The following RPGRIP1L variants were observed in gnomAD, a reference collection of about 807,000 sequenced individuals.
The protein encoded by RPGRIP1L is RPGRIP1 like.
RPGRIP1L carries 131 observed loss-of-function variants against 160.4 expected under a neutral mutation model. The observed-to-expected ratio is 0.82, with a 90% CI of 0.71 to 0.94. RPGRIP1L has a LOEUF of 0.94. Ranked by LOEUF, RPGRIP1L falls within the 40% of genes least tolerant of loss-of-function variation. RPGRIP1L has a pLI of 0.00. For synonymous variants in RPGRIP1L, 510 were observed against 515.8 expected (o/e 0.99, Z 0.15); for missense variants, 1,522 against 1,535.8 (o/e 0.99, Z 0.15).
intron 7 of RPGRIP1L, 138 bp from the exon 8 acceptor site, chr16:53,673,154 A>AT: frequency 1.2e-6 from 1 of 815,012 alleles, no homozygotes; most frequent in African/African-American, 1.7e-5. Flanking sequence ...TATTTTTTAC[A>AT]TAACAAATGA....
At chr16:53,648,561 T>C (rs1038419793) in intron 16 of RPGRIP1L, among the ~76,000 whole-genome samples, 15 of 152,046 alleles carry the variant, frequency 9.9e-5, no homozygotes, top group African/African-American at 3.6e-4. Flanking sequence ...GTTATATGAA[T>C]CTATACATGT....
intron 25 of RPGRIP1L, among the ~76,000 whole-genome samples, chr16:53,606,538 A>C (rs1322739514): frequency 6.6e-6 from 1 of 152,240 alleles, no homozygotes; most frequent in South Asian, 2.1e-4. Flanking sequence ...CATTTAACCA[A>C]CTTGCTGAAA....
intron 24 of RPGRIP1L, among the ~76,000 whole-genome samples, chr16:53,618,543 C>T (rs1267205764): frequency 3.3e-5 from 5 of 152,052 alleles, no homozygotes; most frequent in Non-Finnish European, 5.9e-5. Context: ...GGTATTACTT[C>T]AACTTTCTCT....
intron 7 of RPGRIP1L, among the ~76,000 whole-genome samples, chr16:53,674,224 A>T (rs971912610): frequency 5.9e-5 from 9 of 152,182 alleles, no homozygotes; most frequent in Non-Finnish European, 1.2e-4. Context: ...TGAATTCAAC[A>T]GTGAATTTAG....
intron 15 of RPGRIP1L, among the ~76,000 whole-genome samples, chr16:53,650,476 C>G (rs1217693399): frequency 6.6e-6 from 1 of 152,140 alleles, no homozygotes. Flanking sequence ...GTAATCCCAG[C>G]ACTTTGGGAG....
chr16:53,646,389 G>A (rs1016832247), intron 16 of RPGRIP1L, among the ~76,000 whole-genome samples: 9 of 152,150 alleles, frequency 5.9e-5, no homozygotes, highest in African/African-American at 2.2e-4. Flanking sequence ...TAATGATTCT[G>A]TTATATTTGG....
At chr16:53,680,502 T>G (rs1242742368) in intron 6 of RPGRIP1L, among the ~76,000 whole-genome samples, 1 of 151,900 alleles carries the variant, frequency 6.6e-6, no homozygotes, top group Non-Finnish European at 1.5e-5. Context: ...GATAACTAAA[T>G]GCAACAACAC....
intron 6 of RPGRIP1L, among the ~76,000 whole-genome samples, chr16:53,677,934 A>G (rs569462808): frequency 2.8e-4 from 42 of 152,318 alleles, no homozygotes; most frequent in African/African-American, 1.0e-3. Context: ...ATGCATGGTA[A>G]AAACATTCAG....
chr16:53,603,674 ATGTGTGTG>A (rs3035223), intron 26 of RPGRIP1L, among the ~76,000 whole-genome samples: 11,585 of 148,000 alleles, frequency 0.078, 700 homozygotes, highest in African/African-American at 0.16. Flanking sequence ...TTGAACTTTA[ATGTGTGTG>A]TGTGTGTGTG....
rs111328339 is a variant in RPGRIP1L, at chr16:53,671,310, G to A, written c.1103+200C>T. 1.4e-4 allele frequency among the ~76,000 whole-genome samples: 22 copies of A among 152,220 alleles called. 1 individual carries two copies. The highest frequency in any genetic ancestry group is 5.2e-4 in the Admixed American group (8 of 15,276). ...ACAAAGTGATATGGTTTTCTTAGTA[G>A]TGATAGGCTACTGCTCAGGTTAAAT... On this transcript the variant is annotated intron_variant, in intron 9 of 26. Coordinates refer to ENST00000647211, the MANE Select transcript of RPGRIP1L (RefSeq NM_015272.5).
intron 2 of RPGRIP1L, among the ~76,000 whole-genome samples, chr16:53,697,209 G>C (rs79115816): frequency 6.6e-6 from 1 of 151,688 alleles, no homozygotes; most frequent in East Asian, 1.9e-4. Flanking sequence ...AGAAAGAAAA[G>C]AAAGAAAAAA....
In RPGRIP1L at chr16:53,622,281, T is replaced by G. The variant is rs1332759984; in HGVS notation, c.3370A>C (p.Ser1124Arg). ...AHCNFRLPGS[S>R]DFPASASQVD... ...TGGGAGGCTGAGGCAGGAAAATCGC[T>G]GGAACCCGGGAGGCGGAAGTTGCAG... The change falls in exon 23 of 27, where the codon AGC (serine) becomes CGC (arginine). Residue 1124 changes from serine (S) to arginine (R), a missense_variant. Transcript: ENST00000647211. 3.1e-6 allele frequency: 2 copies of G among 645,994 alleles called. No homozygotes were observed. Among genetic ancestry groups the G allele is most frequent in the Non-Finnish European group, 5.7e-6 (2 of 353,890 alleles). The allele number at this position is 645,994 out of a possible 1,614,324, so 40.0% of individuals were successfully genotyped here.
chr16:53,650,710 A>C (rs1252673492), intron 15 of RPGRIP1L, among the ~76,000 whole-genome samples: 1 of 152,176 alleles, frequency 6.6e-6, no homozygotes, highest in Non-Finnish European at 1.5e-5. Flanking sequence ...ACCTCAATCA[A>C]TCACTCAATT....
In RPGRIP1L at chr16:53,658,460, T is replaced by C; in HGVS notation, c.1355A>G (p.Asn452Ser). 1.2e-6 allele frequency: 2 copies of C among 1,607,464 alleles called. No homozygotes were observed. The highest frequency in any genetic ancestry group is 1.3e-5 in the African/African-American group (1 of 74,952). ...KKRIKLYNQENDINADELSEA... is the reference protein window; with the variant it reads ...KKRIKLYNQESDINADELSEA... Reference sequence around the variant, plus strand: ...ACTCAATTCATCAGCATTAATATCATTCTCCTGCAATAGATTAAGTAAAAG... The same window carrying C: ...ACTCAATTCATCAGCATTAATATCACTCTCCTGCAATAGATTAAGTAAAAG... The change falls in exon 12 of 27, where the codon AAT becomes AGT. Residue 452 changes from asparagine to serine, a missense_variant. By Grantham distance (46) the Asn-to-Ser change is conservative. Transcript: ENST00000647211.
chr16:53,663,878 C>T (rs1005710688), intron 10 of RPGRIP1L, among the ~76,000 whole-genome samples: 1 of 152,050 alleles, frequency 6.6e-6, no homozygotes, highest in African/African-American at 2.4e-5. Flanking sequence ...TTATAAGATG[C>T]AACTCAATAT....
chr16:53,604,105 A>G (rs1003673900), intron 26 of RPGRIP1L, among the ~76,000 whole-genome samples: 5 of 152,234 alleles, frequency 3.3e-5, no homozygotes, highest in African/African-American at 9.6e-5. Flanking sequence ...GTTCAGGTTA[A>G]TATTTCAATC....
chr16:53,700,652 C>CA lies in RPGRIP1L; in HGVS notation c.71dup (p.Met24IlefsTer25), dbSNP rs990678342. On this transcript the variant is annotated frameshift_variant, in exon 2 of 27. Coordinates refer to ENST00000647211, the MANE Select transcript of RPGRIP1L (RefSeq NM_015272.5). LOFTEE classifies it high-confidence loss of function. ...AGCTGGCCATACCTTGTAACCCTCC[C>CA]ATTCCAAAGAGGTTTAGACCTGTAT... The CA allele has an allele frequency of 2.5e-6, 4 of 1,612,282 alleles. No individual in the cohort carries two copies. Among genetic ancestry groups the CA allele is most frequent in the Non-Finnish European group, 3.4e-6 (4 of 1,178,848 alleles).
chr16:53,698,634 T>C (rs1326571631), intron 2 of RPGRIP1L, among the ~76,000 whole-genome samples: 7 of 93,478 alleles, frequency 7.5e-5, no homozygotes, highest in African/African-American at 2.9e-4. Context: ...GAGGAGCCCC[T>C]CTGCCCGGCC....
At chr16:53,691,447 A>ATT (rs1276984124) in intron 4 of RPGRIP1L, among the ~76,000 whole-genome samples, 1 of 152,212 alleles carries the variant, frequency 6.6e-6, no homozygotes, top group East Asian at 1.9e-4. Flanking sequence ...GAACAAAGTG[A>ATT]TTGGCCTATG....
Sources: gnomAD v4.1 joint callset for allele counts (sites outside exome capture counted in the v4.1 genomes callset) on GRCh38, gnomAD v4.1.1 for gene constraint, MANE v1.5 for transcripts, NCBI Gene and HGNC (gene_info 2026-07-23, HGNC 2026-07-21) for gene names.